Variants in COX4I1 observed in about 807,000 individuals in gnomAD.
COX4I1 encodes cytochrome c oxidase subunit 4 isoform 1, mitochondrial.
In COX4I1, 18 loss-of-function variants were observed where a neutral mutation model predicts 21.7. The ratio of observed to expected loss-of-function variants is 0.83; its 90% CI spans 0.57 to 1.23. COX4I1 has a LOEUF of 1.23. Among genes scored for constraint, COX4I1 ranks in the 50% most tolerant of loss-of-function variants. COX4I1 has a pLI of 0.00. For synonymous variants in COX4I1, 100 were observed against 81.5 expected, an observed-to-expected ratio of 1.23 and a Z score of -1.23; for missense variants, 238 against 220.7, an observed-to-expected ratio of 1.08 and a Z score of -0.50.
At chr16:85,803,982 C>G (rs1205768433) in intron 2 of COX4I1, 1 of 152,260 alleles carries the variant, frequency 6.6e-6, no homozygotes, top group East Asian at 1.9e-4. Flanking sequence ...GTTTGTTTTC[C>G]ACTTCTAGAA....
chr16:85,805,697 T>A (rs1204990952), intron 3 of COX4I1, 36 bp from the exon 4 acceptor site: 1 of 1,610,530 alleles, frequency 6.2e-7, no homozygotes, highest in African/African-American at 1.3e-5. Context: ...GCTGCTGACC[T>A]TTGTGCCTGT....
chr16:85,800,598 G>C (rs1905641007), intron 1 of COX4I1, among the ~76,000 whole-genome samples: 1 of 150,096 alleles, frequency 6.7e-6, no homozygotes, highest in Non-Finnish European at 1.5e-5. Context: ...AGCTTTTTCA[G>C]AGTCACCTTG....
intron 1 of COX4I1, among the ~76,000 whole-genome samples, chr16:85,800,454 T>C (rs765899774): frequency 2.0e-5 from 3 of 152,174 alleles, no homozygotes; most frequent in Non-Finnish European, 4.4e-5. Context: ...TTCTAGTCTA[T>C]GTACAGGCGG....
chr16:85,805,577 G>C (rs1252999799), intron 3 of COX4I1, 156 bp from the exon 4 acceptor site: 2 of 1,054,682 alleles, frequency 1.9e-6, no homozygotes, highest in East Asian at 5.1e-5. Context: ...GTGTGTGCAC[G>C]TACGTGCGTG....
chr16:85,805,371 G>A (rs1906109453), intron 3 of COX4I1: 1 of 520,150 alleles, frequency 1.9e-6, no homozygotes, highest in Non-Finnish European at 3.4e-6. Context: ...GTAAGACATA[G>A]TTAACTGTAA....
At chr16:85,801,136 G>A (rs773081275) in intron 1 of COX4I1, 69 bp from the exon 2 acceptor site, 12 of 1,365,360 alleles carry the variant, frequency 8.8e-6, no homozygotes, top group Non-Finnish European at 1.2e-5. Context: ...ATGCTCTGGG[G>A]CAAAAAGAAG....
At chr16:85,802,929 CAG>C (rs1466077469) in intron 2 of COX4I1, 1 of 152,176 alleles carries the variant, frequency 6.6e-6, no homozygotes, top group Non-Finnish European at 1.5e-5. Flanking sequence ...TTTTTCCCCC[CAG>C]TCTCCCTGTC....
intron 2 of COX4I1, among the ~76,000 whole-genome samples, chr16:85,802,472 T>C (rs1905841645): frequency 6.6e-6 from 1 of 152,260 alleles, no homozygotes. Context: ...GAAGACGAAC[T>C]GCAGGCTCTT....
chr16:85,805,463 A>G lies in COX4I1; in HGVS notation c.242-270A>G, dbSNP rs1597219096. The G allele has an allele frequency of 5.2e-6, 3 of 574,424 alleles. No homozygotes were observed. In the South Asian group the frequency reaches 6.7e-5, roughly 13 times the overall value. 35.6% of individuals were successfully genotyped at this position (574,424 alleles called of 1,614,324 possible). A position where few individuals can be genotyped will look rare whatever the true frequency, so the allele number is the denominator to read the frequency against. ...ATAACAAGATTAAATAGACCCTAAT[A>G]CTGTAATTCAAGTAAGAAATAATTT... On this transcript the variant is annotated intron_variant, in intron 3 of 4. Coordinates refer to ENST00000253452, the MANE Select transcript of COX4I1 (RefSeq NM_001861.6).
At position 85,805,729 on chromosome 16, in the gene COX4I1, C is replaced by G; in HGVS notation, c.242-4C>G. Reference sequence around the variant, plus strand: ...CTGTAAATGGCTGTCCTCTCTGCCCCCAGTGTATCGCATTAAGTTCAAGGA... The same window carrying G: ...CTGTAAATGGCTGTCCTCTCTGCCCGCAGTGTATCGCATTAAGTTCAAGGA... On this transcript the variant is annotated splice_region_variant and splice_polypyrimidine_tract_variant and intron_variant, in intron 3 of 4. Coordinates refer to ENST00000253452, the MANE Select transcript of COX4I1 (RefSeq NM_001861.6). The G allele has an allele frequency of 6.2e-7, 1 of 1,614,124 alleles. No individual in the cohort carries two copies. Among genetic ancestry groups the G allele is most frequent in the Non-Finnish European group, 8.5e-7 (1 of 1,179,970 alleles).
At position 85,805,064 on chromosome 16, in the gene COX4I1, G is replaced by A. The variant is rs1906077198; in HGVS notation, c.201G>A (p.Lys67=). The change falls in exon 3 of 5, where the codon AAG becomes AAA. Residue 67 remains lysine (K), a synonymous_variant. Transcript: ENST00000253452. ...ASQKALKEKE[K]ASWSSLSMDE... Reference sequence around the variant, plus strand: ...AGAAGGCATTGAAGGAGAAGGAGAAGGCCTCCTGGAGCAGCCTCTCCATGG... The same window carrying A: ...AGAAGGCATTGAAGGAGAAGGAGAAAGCCTCCTGGAGCAGCCTCTCCATGG... The A allele has an allele frequency of 6.2e-7, 1 of 1,613,720 alleles. No individual in the cohort carries two copies. Among genetic ancestry groups the A allele is most frequent in the Non-Finnish European group, 8.5e-7 (1 of 1,179,746 alleles).
At chr16:85,803,314 G>A (rs745832753) in intron 2 of COX4I1, 9 of 152,224 alleles carry the variant, frequency 5.9e-5, no homozygotes, top group Non-Finnish European at 1.0e-4. Context: ...GTATAAGTTT[G>A]TAAGTATGCC....
rs752962325 is a variant in COX4I1 at position 85,806,733 on chromosome 16, C to A, written c.374-5C>A. ...TCTTGCCCCATAACCTGTCTCACAC[C>A]GTAGTGTACGGCCCCCTCCCGCAAA... On this transcript the variant is annotated splice_polypyrimidine_tract_variant and splice_region_variant and intron_variant, in intron 4 of 4. Transcript: ENST00000253452. The A allele has an allele frequency of 6.2e-7, 1 of 1,613,868 alleles. No individual in the cohort carries two copies. Among genetic ancestry groups the A allele is most frequent in the Non-Finnish European group, 8.5e-7 (1 of 1,179,946 alleles).
At chr16:85,806,012 T>C (rs2152084440) in intron 4 of COX4I1, 148 bp downstream of exon 4, 2 of 1,131,980 alleles carry the variant, frequency 1.8e-6, no homozygotes, top group East Asian at 4.8e-5. Flanking sequence ...TTCCAGGCCT[T>C]GGTGACCTGG....
chr16:85,805,615 C>G, intron 3 of COX4I1, 118 bp from the exon 4 acceptor site: 2 of 1,467,788 alleles, frequency 1.4e-6, no homozygotes, highest in Admixed American at 3.7e-5. Context: ...GTTGGTGTAT[C>G]CTTCAGCTCT....
intron 4 of COX4I1, 44 bp from the exon 5 acceptor site, chr16:85,806,694 A>T: frequency 6.2e-7 from 1 of 1,613,860 alleles, no homozygotes; most frequent in Non-Finnish European, 8.5e-7. Flanking sequence ...CCTAGAAACA[A>T]CCTGTTGAGA....
In COX4I1 at chr16:85,799,918, C is replaced by T. The variant is rs1454120464; in HGVS notation, c.-2+166C>T. Reference sequence around the variant, plus strand: ...GAGGCCGGCCCGTGGGGACTCCGGGCTCGGTGGCTCCAGGCTCGGGGGGCC... The same window carrying T: ...GAGGCCGGCCCGTGGGGACTCCGGGTTCGGTGGCTCCAGGCTCGGGGGGCC... On this transcript the variant is annotated intron_variant, in intron 1 of 4. Coordinates refer to ENST00000253452, the MANE Select transcript of COX4I1 (RefSeq NM_001861.6). The surrounding 1 kb of genome is among the most constrained non-coding windows in gnomAD (Gnocchi z 4.2). The T allele has an allele frequency of 6.6e-6, 1 of 152,242 alleles. No individual in the cohort carries two copies. The highest frequency in any genetic ancestry group is 1.5e-5 in the Non-Finnish European group (1 of 68,058). 9.4% of individuals were successfully genotyped at this position (152,242 alleles called of 1,614,324 possible).
chr16:85,805,196 G>C, intron 3 of COX4I1, 92 bp downstream of exon 3: 1 of 1,253,624 alleles, frequency 8.0e-7, no homozygotes, highest in Admixed American at 4.2e-5. Context: ...CTACTGTCTA[G>C]AGGCAGTCTT....
Position 85,806,626 on chromosome 16 carries a change from G to T in COX4I1, c.374-112G>T, listed in dbSNP as rs1259958876. Reference sequence around the variant, plus strand: ...TTTGAGCGGGTGTTGAGTGGCAGGTGGCTCTGCTGACCTGGTGGCTGGTGT... The same window carrying T: ...TTTGAGCGGGTGTTGAGTGGCAGGTTGCTCTGCTGACCTGGTGGCTGGTGT... On this transcript the variant is annotated intron_variant, in intron 4 of 4. Transcript: ENST00000253452. 2.6e-5 allele frequency: 39 copies of T among 1,514,204 alleles called. No individual in the cohort carries two copies. The Admixed American group carries it at 6.3e-4, about 24-fold the overall frequency. 93.8% of individuals were successfully genotyped at this position (1,514,204 alleles called of 1,614,324 possible).
Sources: allele counts gnomAD v4.1 joint callset (sites outside exome capture counted in the v4.1 genomes callset), GRCh38; gene constraint gnomAD v4.1.1; non-coding constraint Gnocchi (gnomAD v3.1); transcripts MANE v1.5; gene names NCBI Gene and HGNC (gene_info 2026-07-23, HGNC 2026-07-21).